Variants in PATJ observed in about 807,000 individuals in gnomAD.
The protein encoded by PATJ is inaD-like protein.
A neutral mutation model predicts 224.9 loss-of-function variants in PATJ; 190 were observed. That is an observed-to-expected ratio of 0.84 (90% confidence interval 0.75 to 0.95). The LOEUF (loss-of-function observed/expected upper bound fraction) is 0.95, where lower values mean the gene tolerates loss of function less well. Ranked by LOEUF, PATJ falls within the 40% of genes least tolerant of loss-of-function variation. PATJ has a pLI of 0.00. For missense variants in PATJ, 2,121 were observed against 2,270.3 expected, an observed-to-expected ratio of 0.93 and a Z score of 1.34; for synonymous variants, 769 against 820.3, an observed-to-expected ratio of 0.94 and a Z score of 1.07.
chr1:61,809,851 C>CTTTTT (rs34929042), intron 14 of PATJ, among the ~76,000 whole-genome samples: 1 of 138,956 alleles, frequency 7.2e-6, no homozygotes, highest in African/African-American at 2.7e-5. Flanking sequence ...TCTTTTCTTT[C>CTTTTT]TTTTTTTTTT....
In PATJ at chr1:62,143,438, A is replaced by ATT. The variant is rs34127211; in HGVS notation, c.5272-4817_5272-4816dup. On this transcript the variant is annotated intron_variant, in intron 41 of 43. Coordinates refer to ENST00000642238, the MANE Select transcript of PATJ (RefSeq NM_001350145.3). Reference sequence around the variant, plus strand: ...TTGGATATCACAGACTAAGCTGGGAATTTTTTTTTTTTTTTTTTTTTTTTT... The same window carrying ATT: ...TTGGATATCACAGACTAAGCTGGGAATTTTTTTTTTTTTTTTTTTTTTTTTTT... Among the ~76,000 whole-genome samples the ATT allele has an allele frequency of 3.5e-3, 261 of 74,344 alleles. 11 individuals are homozygous for ATT. The highest frequency in any genetic ancestry group is 4.3e-3 in the Non-Finnish European group (182 of 42,656). 48.8% of individuals were successfully genotyped at this position (74,344 alleles called of 152,430 possible). A position where few individuals can be genotyped will look rare whatever the true frequency, so the allele number is the denominator to read the frequency against.
intron 28 of PATJ, among the ~76,000 whole-genome samples, chr1:62,015,859 G>A (rs892545745): frequency 6.6e-6 from 1 of 152,096 alleles, no homozygotes; most frequent in African/African-American, 2.4e-5. Context: ...AGTAGAGATG[G>A]GGTTTCGCCA....
intron 41 of PATJ, 94 bp downstream of exon 41, chr1:62,129,039 C>G (rs1183850847): frequency 2.7e-6 from 2 of 750,702 alleles, no homozygotes; most frequent in Non-Finnish European, 4.6e-6. Context: ...CGCCACCCAG[C>G]AGGGTGCTTG....
In PATJ at chr1:62,117,234, T is replaced by C; in HGVS notation, c.4890+16T>C. 6.2e-7 allele frequency: 1 copy of C among 1,613,900 alleles called. No individual in the cohort carries two copies. The highest frequency in any genetic ancestry group is 1.7e-4 in the Middle Eastern group (1 of 6,060). Reference sequence around the variant, plus strand: ...GAACAGTCAGGTTGTCGATGGCTTCTCATCAGACTGACTCACTCTTCTGCC... The same window carrying C: ...GAACAGTCAGGTTGTCGATGGCTTCCCATCAGACTGACTCACTCTTCTGCC... On this transcript the variant is annotated intron_variant, in intron 37 of 43. Coordinates refer to ENST00000642238, the MANE Select transcript of PATJ (RefSeq NM_001350145.3).
chr1:61,882,518 A>C (rs1308719163), intron 21 of PATJ, among the ~76,000 whole-genome samples: 1 of 152,130 alleles, frequency 6.6e-6, no homozygotes, highest in Non-Finnish European at 1.5e-5. Context: ...ATGAAACGCT[A>C]CCTGTCTACC....
chr1:61,913,296 G>C (rs1557867071), intron 25 of PATJ, among the ~76,000 whole-genome samples: 1 of 152,038 alleles, frequency 6.6e-6, no homozygotes, highest in Non-Finnish European at 1.5e-5. Flanking sequence ...GTTCAGTGGT[G>C]CAATTGTGGC....
At chr1:62,128,714 C>G (rs570995635) in intron 40 of PATJ, 127 bp from the exon 41 acceptor site, 1 of 689,852 alleles carries the variant, frequency 1.4e-6, no homozygotes. Context: ...CATGCATGCA[C>G]GGTAGTAACG....
At chr1:62,094,590 CACACACACACACACACACAG>C (rs1321475407) in intron 33 of PATJ, among the ~76,000 whole-genome samples, 15 of 128,802 alleles carry the variant, frequency 1.2e-4, no homozygotes, top group African/African-American at 4.1e-4. Context: ...CACACACACA[CACACACACACACACACACAG>C]AGATGTTAGT....
intron 41 of PATJ, among the ~76,000 whole-genome samples, chr1:62,140,788 A>ATGAT (rs1667420023): frequency 7.5e-6 from 1 of 134,008 alleles, no homozygotes; most frequent in African/African-American, 2.8e-5. Context: ...TCACGCCTGT[A>ATGAT]TTCCCAGCTA....
intron 33 of PATJ, among the ~76,000 whole-genome samples, chr1:62,102,668 C>A (rs1389544622): frequency 6.6e-6 from 1 of 151,784 alleles, no homozygotes; most frequent in East Asian, 1.9e-4. Context: ...GCCTGGGCAA[C>A]AAGGCAAAAC....
At chr1:61,865,778 G>C (rs1665326880) in intron 20 of PATJ, among the ~76,000 whole-genome samples, 1 of 152,116 alleles carries the variant, frequency 6.6e-6, no homozygotes, top group African/African-American at 2.4e-5. Context: ...TATGCAGCGT[G>C]TTGCTTCCCT....
chr1:61,901,356 T>C lies in PATJ; in HGVS notation c.3278T>C (p.Leu1093Pro), dbSNP rs201013068. The C allele has an allele frequency of 4.4e-6, 7 of 1,587,986 alleles. No homozygotes were observed. Among genetic ancestry groups the C allele is most frequent in the Non-Finnish European group, 6.0e-6 (7 of 1,171,218 alleles). ...GGTGGACAAACTGTTATAAAACGTCTAAAGAATGGAGAGGAGCTTAAAGGT... is the reference window on the plus strand; with the variant it reads ...GGTGGACAAACTGTTATAAAACGTCCAAAGAATGGAGAGGAGCTTAAAGGT... ...IVGGQTVIKR[L>P]KNGEELKGIF... is the part of the protein sequence containing the mutation. The change falls in exon 24 of 44, where the codon CTA becomes CCA. Residue 1093 changes from leucine (L) to proline (P), a missense_variant. By Grantham distance (98) the Leu-to-Pro change is moderately conservative. Coordinates refer to ENST00000642238, the MANE Select transcript of PATJ (RefSeq NM_001350145.3).
intron 26 of PATJ, among the ~76,000 whole-genome samples, chr1:61,918,307 CTTTTTTTT>C (rs981322479): frequency 4.3e-5 from 5 of 115,628 alleles, no homozygotes; most frequent in African/African-American, 1.7e-4. Context: ...TTTGTGTATT[CTTTTTTTT>C]TTTTTTTTTT....
At chr1:61,928,234 AT>A (rs1263740071) in intron 27 of PATJ, among the ~76,000 whole-genome samples, 3 of 152,172 alleles carry the variant, frequency 2.0e-5, no homozygotes, top group Non-Finnish European at 4.4e-5. Context: ...ACCAACTTGT[AT>A]TTTGTCCTTT....
chr1:62,139,421 A>G (rs1473418708), intron 41 of PATJ, among the ~76,000 whole-genome samples: 1 of 133,348 alleles, frequency 7.5e-6, no homozygotes, highest in Non-Finnish European at 1.7e-5. Flanking sequence ...AAAAAAAAAA[A>G]AAAAAGAGCA....
chr1:61,836,197 G>A (rs1236166597), intron 17 of PATJ, among the ~76,000 whole-genome samples: 1 of 152,042 alleles, frequency 6.6e-6, no homozygotes, highest in Non-Finnish European at 1.5e-5. Context: ...AGAATTTTTT[G>A]TTCTTCATTG....
At chr1:61,751,790 C>A (rs1047856665) in intron 1 of PATJ, among the ~76,000 whole-genome samples, 1 of 151,654 alleles carries the variant, frequency 6.6e-6, no homozygotes, top group Non-Finnish European at 1.5e-5. Flanking sequence ...CGCACCACTG[C>A]ACTCCAGCAT....
intron 21 of PATJ, among the ~76,000 whole-genome samples, chr1:61,883,886 G>A: frequency 6.9e-6 from 1 of 145,680 alleles, no homozygotes; most frequent in Non-Finnish European, 1.5e-5. Context: ...TTAAATCAGT[G>A]AAATGTCAGA....
chr1:61,928,063 T>C (rs1030015672), intron 27 of PATJ, among the ~76,000 whole-genome samples: 3 of 152,224 alleles, frequency 2.0e-5, no homozygotes, highest in Non-Finnish European at 4.4e-5. Context: ...ATTTTTCCTA[T>C]ATTCCCTTCT....
Sources: allele counts gnomAD v4.1 joint callset (sites outside exome capture counted in the v4.1 genomes callset), GRCh38; gene constraint gnomAD v4.1.1; transcripts MANE v1.5; gene names NCBI Gene and HGNC (gene_info 2026-07-23, HGNC 2026-07-21).